CPEB2: variants seen among roughly 807,000 people sequenced by gnomAD.
CPEB2 encodes the protein cytoplasmic polyadenylation element-binding protein 2.
A neutral mutation model predicts 93.6 loss-of-function variants in CPEB2; 56 were observed. The observed-to-expected ratio is 0.60, with a 90% confidence interval of 0.48 to 0.75. The LOEUF (loss-of-function observed/expected upper bound fraction) is 0.75. Ranked by LOEUF, CPEB2 falls within the 30% of genes least tolerant of loss-of-function variation. The probability of loss-of-function intolerance (pLI) is 0.00; values close to 1 mark genes in which losing one functional copy is unlikely to be tolerated. For synonymous variants in CPEB2, 764 were observed against 586.3 expected (o/e 1.30, Z -4.38); for missense variants, 1,579 against 1,395.1 (o/e 1.13, Z -2.10).
In CPEB2 at chr4:15,002,737, C is replaced by A; in HGVS notation, c.64C>A (p.Leu22Met). The change falls in exon 1 of 12, where the codon CTG becomes ATG. Residue 22 changes from leucine to methionine, a missense_variant. Leu to Met is a conservative substitution (Grantham distance 15). Transcript: ENST00000538197. ...APLRSSSPGP[L>M]FCGEAYGPYA... ...GCTCCGAAGTAGCAGTCCTGGGCCC[C>A]TGTTCTGCGGCGAGGCGTATGGTCC... is the stretch of plus-strand genomic sequence containing the variant. 6.5e-7 allele frequency: 1 copy of A among 1,535,096 alleles called. No individual in the cohort carries two copies. Among genetic ancestry groups the A allele is most frequent in the Non-Finnish European group, 8.7e-7 (1 of 1,146,502 alleles).
At chr4:15,063,586 TACAGCAGTGGTTTA>T (rs1162367313) in intron 11 of CPEB2, among the ~76,000 whole-genome samples, 1 of 152,122 alleles carries the variant, frequency 6.6e-6, no homozygotes, top group Non-Finnish European at 1.5e-5. Flanking sequence ...GACACAAATG[TACAGCAGTGGTTTA>T]GACCGCTAAC....
chr4:15,018,969 T>TATATACAC (rs1479960595), intron 4 of CPEB2, among the ~76,000 whole-genome samples: 19 of 139,192 alleles, frequency 1.4e-4, no homozygotes, highest in Non-Finnish European at 2.8e-4. Flanking sequence ...TATATATATA[T>TATATACAC]ACACACGCAC....
chr4:15,047,056 G>A (rs1471666930), intron 6 of CPEB2, among the ~76,000 whole-genome samples: 3 of 152,226 alleles, frequency 2.0e-5, no homozygotes, highest in African/African-American at 7.2e-5. Flanking sequence ...ACATTGAACT[G>A]TATTGGTACC....
Position 15,058,536 on chromosome 4 carries a change from A to G in CPEB2, c.2577A>G (p.Lys859=). ...LCVSSPTIKD[K]PVQIRPWNLS... ...TTTCTAGCCCTACTATCAAGGACAAACCAGTAAGTAAATACCACATGAACT... is the reference window on the plus strand; with the variant it reads ...TTTCTAGCCCTACTATCAAGGACAAGCCAGTAAGTAAATACCACATGAACT... Residue 859 remains lysine, a synonymous_variant, in exon 9 of 12, where the codon AAA becomes AAG. Transcript: ENST00000538197. 1 of 1,550,646 alleles carries G rather than the reference A, an allele frequency of 6.4e-7. No homozygotes were observed. Among genetic ancestry groups the G allele is most frequent in the Non-Finnish European group, 8.9e-7 (1 of 1,125,864 alleles).
Position 15,003,146 on chromosome 4 carries a change from G to A in CPEB2, c.473G>A (p.Cys158Tyr), listed in dbSNP as rs762657552. 41 of 1,533,472 alleles carry A rather than the reference G, an allele frequency of 2.7e-5. 1 individual carries two copies. In the South Asian group the frequency reaches 4.2e-4, roughly 16 times the overall value. 95.0% of individuals were successfully genotyped at this position (1,533,472 alleles called of 1,614,324 possible). ...TCCTCCGCCTCCTCCTGCTGCTGCT[G>A]CCGCACCTCCTCCCCGCAGGACTTC... Reference protein sequence around the residue: ...SSSSASSCCCCRTSSPQDFSK... With the variant: ...SSSSASSCCCYRTSSPQDFSK... The change falls in exon 1 of 12, where the codon TGC (cysteine) becomes TAC (tyrosine). Residue 158 changes from cysteine (C) to tyrosine (Y), a missense_variant. By Grantham distance (194) the Cys-to-Tyr change is radical. This residue lies in a region of CPEB2 where 1,411 missense variants were observed against 1,056.0 expected (regional missense o/e 1.34). Transcript: ENST00000538197.
At chr4:15,031,653 T>C (rs1726107106) in intron 4 of CPEB2, among the ~76,000 whole-genome samples, 1 of 152,230 alleles carries the variant, frequency 6.6e-6, no homozygotes, top group African/African-American at 2.4e-5. Context: ...ACACTTATTT[T>C]ACCTGTGTTG....
At chr4:15,027,707 A>G (rs1038344036) in intron 4 of CPEB2, among the ~76,000 whole-genome samples, 1 of 152,214 alleles carries the variant, frequency 6.6e-6, no homozygotes, top group Non-Finnish European at 1.5e-5. Flanking sequence ...AGTATTAGAT[A>G]TCTTCTATTA....
At chr4:15,059,126 A>G in intron 9 of CPEB2, 61 bp from the exon 10 acceptor site, 1 of 1,007,234 alleles carries the variant, frequency 9.9e-7, no homozygotes, top group Admixed American at 2.2e-5. Context: ...GCAAAAACAA[A>G]CAAACAGAAA....
intron 6 of CPEB2, among the ~76,000 whole-genome samples, chr4:15,047,244 C>G (rs915023003): frequency 6.6e-6 from 1 of 152,100 alleles, no homozygotes; most frequent in Non-Finnish European, 1.5e-5. Context: ...TTTGTACGCT[C>G]TCCTTGATTG....
At chr4:15,045,405 ATAT>A (rs1205856084) in intron 6 of CPEB2, among the ~76,000 whole-genome samples, 2 of 152,142 alleles carry the variant, frequency 1.3e-5, no homozygotes, top group African/African-American at 2.4e-5. Context: ...ATATTCATAC[ATAT>A]TATATATATA....
At chr4:15,043,758 C>T (rs1214829760) in intron 6 of CPEB2, among the ~76,000 whole-genome samples, 3 of 151,768 alleles carry the variant, frequency 2.0e-5, no homozygotes, top group South Asian at 2.1e-4. Context: ...TTCTAAGACC[C>T]GGAAGGCAAT....
Position 15,002,802 on chromosome 4 carries a change from G to A in CPEB2, c.129G>A (p.Thr43=), listed in dbSNP as rs1722128987. The A allele has an allele frequency of 2.0e-6, 3 of 1,535,220 alleles. No individual in the cohort carries two copies. The highest frequency in any genetic ancestry group is 2.6e-6 in the Non-Finnish European group (3 of 1,146,584). Residue 43 remains threonine, a synonymous_variant, in exon 1 of 12, where the codon ACG becomes ACA. Transcript: ENST00000538197. ...CCGTCAACCCGCTGCCCTCCGCCAC[G>A]CCCTTCGGCCCACTGTCGCCACCAC... ...VGSVNPLPSA[T]PFGPLSPPPL... is the part of the protein sequence containing the mutation.
intron 4 of CPEB2, among the ~76,000 whole-genome samples, chr4:15,026,996 C>G (rs887061444): frequency 3.3e-5 from 5 of 152,138 alleles, no homozygotes; most frequent in African/African-American, 1.2e-4. Flanking sequence ...TTGTTTAAAA[C>G]CCTTTTAACA....
chr4:15,003,723 GGGCGGCGGC>G lies in CPEB2; in HGVS notation c.1062_1070del (p.Gly358_Gly360del), dbSNP rs527630065. On this transcript the variant is annotated inframe_deletion, in exon 1 of 12. Transcript: ENST00000538197. ...TGCAGAGCCCGGACCTTCCACACCC[GGGCGGCGGC>G]GGCGGCGGCGGGGGCGGGGGGCCCC... 2 of 1,305,768 alleles carry G rather than the reference GGGCGGCGGC, an allele frequency of 1.5e-6. No individual in the cohort carries two copies. Among genetic ancestry groups the G allele is most frequent in the Middle Eastern group, 2.4e-4 (1 of 4,228 alleles). 80.9% of individuals were successfully genotyped at this position (1,305,768 alleles called of 1,614,324 possible).
chr4:15,004,286 C>T lies in CPEB2; in HGVS notation c.1613C>T (p.Ala538Val), dbSNP rs1722472549. 3 of 1,491,526 alleles carry T rather than the reference C, an allele frequency of 2.0e-6. No individual in the cohort carries two copies. The highest frequency in any genetic ancestry group is 5.7e-5 in the East Asian group (2 of 35,290). The allele number at this position is 1,491,526 out of a possible 1,614,324, so 92.4% of individuals were successfully genotyped here. ...VSPQLQQQHQ[A>V]AAAAFLQQRN... is the part of the protein sequence containing the mutation. Reference sequence around the variant, plus strand: ...CCGCAGCTCCAGCAGCAGCACCAGGCGGCGGCCGCCGCCTTCCTGCAGCAG... The same window carrying T: ...CCGCAGCTCCAGCAGCAGCACCAGGTGGCGGCCGCCGCCTTCCTGCAGCAG... The change falls in exon 1 of 12, where the codon GCG (alanine) becomes GTG (valine). Residue 538 changes from alanine (A) to valine (V), a missense_variant. Ala to Val is a moderately conservative substitution (Grantham distance 64, BLOSUM62 0). Coordinates refer to ENST00000538197, the MANE Select transcript of CPEB2 (RefSeq NM_001177382.2).
intron 6 of CPEB2, among the ~76,000 whole-genome samples, chr4:15,051,053 T>C (rs1170311719): frequency 6.6e-6 from 1 of 152,206 alleles, no homozygotes; most frequent in Non-Finnish European, 1.5e-5. Context: ...TATCAGTTAA[T>C]GGTTTTATCA....
chr4:15,033,508 G>A (rs905487537), intron 5 of CPEB2, among the ~76,000 whole-genome samples: 12 of 152,112 alleles, frequency 7.9e-5, no homozygotes, highest in African/African-American at 2.9e-4. Context: ...TATTACCTTA[G>A]TTTCCCCATC....
chr4:15,036,077 G>A (rs1726574650), intron 5 of CPEB2, among the ~76,000 whole-genome samples: 1 of 152,096 alleles, frequency 6.6e-6, no homozygotes, highest in Non-Finnish European at 1.5e-5. Flanking sequence ...GAGAAAATGG[G>A]ATAAAAGCCA....
rs780169736 is a variant in CPEB2 at position 15,059,036 on chromosome 4, T to G, written c.2581-151T>G. The G allele has an allele frequency of 2.8e-5, 14 of 508,288 alleles. No homozygotes were observed. In the South Asian group the frequency reaches 3.9e-4, roughly 14 times the overall value. The allele number at this position is 508,288 out of a possible 1,614,324, so 31.5% of individuals were successfully genotyped here. A position where few individuals can be genotyped will look rare whatever the true frequency, so the allele number is the denominator to read the frequency against. On this transcript the variant is annotated intron_variant, in intron 9 of 11. Transcript: ENST00000538197. ...AGACTGCGGATTTATAGTATCTAGA[T>G]CAACAAAAGTTATAAAAATAATTTG...
Sources: gnomAD v4.1 joint callset for allele counts (sites outside exome capture counted in the v4.1 genomes callset) on GRCh38, gnomAD v4.1.1 for gene constraint, gnomAD v4.1.1 regional missense constraint, MANE v1.5 for transcripts, NCBI Gene and HGNC (gene_info 2026-07-23, HGNC 2026-07-21) for gene names.